SYT16: variants seen among roughly 807,000 people sequenced by gnomAD.
SYT16 encodes the protein synaptotagmin 16, also known as synaptotagmin-16.
In SYT16, 42 loss-of-function variants were observed where a neutral mutation model predicts 61.4. The ratio of observed to expected loss-of-function variants is 0.68; its 90% CI spans 0.53 to 0.89. The LOEUF (loss-of-function observed/expected upper bound fraction) is 0.89. Among genes scored for constraint, SYT16 ranks in the 40% least tolerant of loss-of-function variants. The probability of loss-of-function intolerance (pLI) is 0.00; values close to 1 mark genes in which losing one functional copy is unlikely to be tolerated. For missense variants in SYT16, 804 were observed against 807.3 expected (o/e 1.00, Z 0.05); for synonymous variants, 314 against 302.3 (o/e 1.04, Z -0.40).
intron 6 of SYT16, among the ~76,000 whole-genome samples, chr14:62,083,661 A>T (rs1252508300): frequency 6.6e-6 from 1 of 152,202 alleles, no homozygotes; most frequent in Non-Finnish European, 1.5e-5. Flanking sequence ...GGCACCTGGC[A>T]TATATTTAAC....
At chr14:61,906,822 CAT>C (rs1424440162) in intron 1 of SYT16, among the ~76,000 whole-genome samples, 3 of 151,998 alleles carry the variant, frequency 2.0e-5, no homozygotes, top group Non-Finnish European at 2.9e-5. Flanking sequence ...TCCATCCATC[CAT>C]CCATCCCAGT....
At chr14:61,857,217 G>A (rs2046802800) in intron 1 of SYT16, among the ~76,000 whole-genome samples, 1 of 152,176 alleles carries the variant, frequency 6.6e-6, no homozygotes, top group African/African-American at 2.4e-5. Context: ...TCAGACAATG[G>A]GAAGCTGGGA....
At chr14:62,059,179 G>A (rs569259269) in intron 3 of SYT16, among the ~76,000 whole-genome samples, 1 of 152,204 alleles carries the variant, frequency 6.6e-6, no homozygotes, top group South Asian at 2.1e-4. Context: ...CATGACGCAA[G>A]TTTACCTATG....
At chr14:61,870,223 A>C (rs2047288525) in intron 1 of SYT16, among the ~76,000 whole-genome samples, 2 of 152,110 alleles carry the variant, frequency 1.3e-5, no homozygotes, top group African/African-American at 4.8e-5. Flanking sequence ...TTTTTGAAGG[A>C]TATTTTTGCT....
chr14:62,080,207 G>A (rs915847126), intron 5 of SYT16, among the ~76,000 whole-genome samples: 3 of 152,214 alleles, frequency 2.0e-5, no homozygotes, highest in African/African-American at 7.2e-5. Context: ...GGCTAGCAGC[G>A]TCAACATCCC....
chr14:61,915,106 T>C (rs151152728), intron 1 of SYT16, among the ~76,000 whole-genome samples: 6 of 152,282 alleles, frequency 3.9e-5, no homozygotes, highest in East Asian at 1.9e-4. Flanking sequence ...TGACAATAAA[T>C]GATACCCCTC....
intron 2 of SYT16, among the ~76,000 whole-genome samples, chr14:61,994,108 A>G (rs1274960208): frequency 6.6e-6 from 1 of 152,190 alleles, no homozygotes; most frequent in African/African-American, 2.4e-5. Context: ...AGATAACTGT[A>G]CAAAATATGA....
chr14:61,912,215 A>G (rs2048959968), intron 1 of SYT16, among the ~76,000 whole-genome samples: 1 of 152,202 alleles, frequency 6.6e-6, no homozygotes, highest in Non-Finnish European at 1.5e-5. Flanking sequence ...TCTAATTTGA[A>G]AAGACTTTGC....
chr14:61,863,148 C>T (rs2047016861), intron 1 of SYT16, among the ~76,000 whole-genome samples: 1 of 152,168 alleles, frequency 6.6e-6, no homozygotes, highest in South Asian at 2.1e-4. Context: ...AGGAGAATGA[C>T]TGCTGGATCA....
chr14:62,063,650 A>G (rs2055926944), intron 3 of SYT16, among the ~76,000 whole-genome samples: 1 of 152,154 alleles, frequency 6.6e-6, no homozygotes, highest in Admixed American at 6.5e-5. Flanking sequence ...AGACCCCACC[A>G]TCCCGTCTCT....
At chr14:61,845,312 G>A (rs2046412675) in intron 1 of SYT16, among the ~76,000 whole-genome samples, 2 of 152,136 alleles carry the variant, frequency 1.3e-5, no homozygotes, top group Non-Finnish European at 2.9e-5. Context: ...CTCCCAAAGT[G>A]CTGGGATTAC....
At chr14:61,980,501 T>C (rs758497889) in intron 2 of SYT16, among the ~76,000 whole-genome samples, 7 of 152,236 alleles carry the variant, frequency 4.6e-5, no homozygotes, top group Non-Finnish European at 1.0e-4. Context: ...TATAGGCTTA[T>C]AATAATTCAG....
intron 3 of SYT16, among the ~76,000 whole-genome samples, chr14:62,009,748 A>G (rs376108601): frequency 5.9e-5 from 9 of 152,306 alleles, no homozygotes; most frequent in African/African-American, 2.2e-4. Context: ...TGCTATCAGC[A>G]GTTTGGGTTC....
chr14:61,967,572 C>G (rs955531308), intron 1 of SYT16, among the ~76,000 whole-genome samples: 2 of 152,108 alleles, frequency 1.3e-5, no homozygotes, highest in African/African-American at 4.8e-5. Flanking sequence ...TTTTGTAACT[C>G]GAATCTCTGC....
At chr14:62,074,393 C>T (rs866818717) in intron 4 of SYT16, among the ~76,000 whole-genome samples, 31 of 152,036 alleles carry the variant, frequency 2.0e-4, no homozygotes, top group African/African-American at 6.8e-4. Flanking sequence ...CCAGTGAGAC[C>T]AGAGGAATGA....
chr14:61,853,044 G>A (rs147781628), intron 1 of SYT16, among the ~76,000 whole-genome samples: 3,581 of 152,216 alleles, frequency 0.024, 66 homozygotes, highest in African/African-American at 0.053. Context: ...TCAGCCTCCT[G>A]AGTAGCTGGC....
intron 1 of SYT16, among the ~76,000 whole-genome samples, chr14:61,851,554 A>G (rs2046621541): frequency 2.6e-5 from 4 of 152,128 alleles, no homozygotes; most frequent in African/African-American, 7.2e-5. Context: ...CTTTTCCTCC[A>G]CAACCTTGCC....
intron 3 of SYT16, among the ~76,000 whole-genome samples, chr14:62,023,003 A>G (rs1369206101): frequency 2.0e-5 from 3 of 152,166 alleles, no homozygotes; most frequent in East Asian, 1.9e-4. Flanking sequence ...TGATAACTTC[A>G]TTGTTAGAAT....
At chr14:61,925,183 A>AT (rs1448679033) in intron 1 of SYT16, among the ~76,000 whole-genome samples, 1 of 152,228 alleles carries the variant, frequency 6.6e-6, no homozygotes, top group Non-Finnish European at 1.5e-5. Context: ...CCTAGCATAG[A>AT]TTCTGACGGT....
Sources: gnomAD v4.1 joint callset for allele counts (sites outside exome capture counted in the v4.1 genomes callset) on GRCh38, gnomAD v4.1.1 for gene constraint, MANE v1.5 for transcripts, NCBI Gene and HGNC (gene_info 2026-07-23, HGNC 2026-07-21) for gene names.